The following UBE2E3 variants were observed in gnomAD, a reference collection of about 807,000 sequenced individuals.
The protein encoded by UBE2E3 is ubiquitin conjugating enzyme E2 E3, also known as ubiquitin-conjugating enzyme E2 E3.
In UBE2E3, 5 loss-of-function variants were observed where a neutral mutation model predicts 23.6. The ratio of observed to expected loss-of-function variants is 0.21; its 90% CI spans 0.11 to 0.44. The LOEUF (loss-of-function observed/expected upper bound fraction) is 0.44, where lower values mean the gene tolerates loss of function less well. Among genes scored for constraint, UBE2E3 ranks in the 20% least tolerant of loss-of-function variants. The pLI is 0.99. For synonymous variants in UBE2E3, 78 were observed against 87.5 expected (o/e 0.89, Z 0.60); for missense variants, 81 against 249.8 (o/e 0.32, Z 4.55).
At chr2:181,039,998 G>C (rs1195080608) in intron 3 of UBE2E3, among the ~76,000 whole-genome samples, 1 of 152,144 alleles carries the variant, frequency 6.6e-6, no homozygotes, top group East Asian at 1.9e-4. Context: ...GTGGTTGGTT[G>C]AATCTGTGTA....
intron 3 of UBE2E3, among the ~76,000 whole-genome samples, chr2:180,988,934 T>G (rs78522953): frequency 0.23 from 35,274 of 152,060 alleles, 4,469 homozygotes; most frequent in Non-Finnish European, 0.28. Context: ...AACCCGCTTT[T>G]TATAAAAATT....
intron 3 of UBE2E3, among the ~76,000 whole-genome samples, chr2:180,997,848 T>G (rs2105586583): frequency 6.6e-6 from 1 of 152,288 alleles, no homozygotes; most frequent in East Asian, 1.9e-4. Flanking sequence ...TAAAGCCTAT[T>G]TCAGATGTTA....
At chr2:181,045,729 A>G (rs983864574) in intron 3 of UBE2E3, among the ~76,000 whole-genome samples, 2 of 152,166 alleles carry the variant, frequency 1.3e-5, no homozygotes, top group Admixed American at 6.6e-5. Context: ...AACCACATCA[A>G]TTAACTTAGT....
At chr2:180,982,859 T>C (rs1684345702) in intron 2 of UBE2E3, among the ~76,000 whole-genome samples, 1 of 152,188 alleles carries the variant, frequency 6.6e-6, no homozygotes, top group South Asian at 2.1e-4. Context: ...CAATTTGAGG[T>C]GTCACTAGTG....
intron 3 of UBE2E3, among the ~76,000 whole-genome samples, chr2:181,028,008 GTCAC>G: frequency 6.6e-6 from 1 of 151,852 alleles, no homozygotes. Flanking sequence ...TCCCTATTCA[GTCAC>G]TCTATTTCCC....
In UBE2E3 at chr2:181,037,656, T is replaced by TA. The variant is rs943128482; in HGVS notation, c.246-20028dup. 3.3e-5 allele frequency among the ~76,000 whole-genome samples: 5 copies of TA among 151,996 alleles called. No homozygotes were observed. The East Asian group carries it at 7.7e-4, about 23-fold the overall frequency. ...TGTTACTACAGAAGAATCAGAAAGT[T>TA]AAAAAAAAATTTTAAGTTGACATAG... On this transcript the variant is annotated intron_variant, in intron 3 of 5. Coordinates refer to ENST00000410062, the MANE Select transcript of UBE2E3 (RefSeq NM_006357.4).
At chr2:181,036,653 C>A (rs1202818047) in intron 3 of UBE2E3, among the ~76,000 whole-genome samples, 5 of 152,156 alleles carry the variant, frequency 3.3e-5, no homozygotes, top group Non-Finnish European at 5.9e-5. Context: ...ATGGTTCACA[C>A]CCTGTGCCCT....
At chr2:181,026,338 A>G (rs1559126239) in intron 3 of UBE2E3, among the ~76,000 whole-genome samples, 1 of 151,732 alleles carries the variant, frequency 6.6e-6, no homozygotes, top group Non-Finnish European at 1.5e-5. Context: ...CAATTTCAGA[A>G]GATAATGAAT....
intron 3 of UBE2E3, among the ~76,000 whole-genome samples, chr2:181,049,001 G>T (rs1352888254): frequency 1.3e-5 from 2 of 151,990 alleles, no homozygotes; most frequent in Non-Finnish European, 2.9e-5. Context: ...CCTCTCTTGG[G>T]CAGTAGAACT....
intron 3 of UBE2E3, among the ~76,000 whole-genome samples, chr2:180,987,785 A>C (rs1286689734): frequency 6.6e-6 from 1 of 152,056 alleles, no homozygotes; most frequent in African/African-American, 2.4e-5. Context: ...ACTTTCCATC[A>C]TTTTCTAGGG....
intron 3 of UBE2E3, among the ~76,000 whole-genome samples, chr2:181,020,621 A>T (rs1487368292): frequency 6.6e-6 from 1 of 152,206 alleles, no homozygotes; most frequent in Non-Finnish European, 1.5e-5. Flanking sequence ...CCATCTGCTG[A>T]GCAAATCTTA....
At position 180,980,901 on chromosome 2, in the gene UBE2E3, T is replaced by A; in HGVS notation, c.-98T>A. 1 of 142,492 alleles carries A rather than the reference T, an allele frequency of 7.0e-6. No individual in the cohort carries two copies. The highest frequency in any genetic ancestry group is 2.5e-5 in the African/African-American group (1 of 39,534). 8.8% of individuals were successfully genotyped at this position (142,492 alleles called of 1,614,324 possible). ...CCCCCCACAGCTGCCTCCATTTCCTTAAGGAAGGGTTTTTTTCTCTCTCCC... is the reference window on the plus strand; with the variant it reads ...CCCCCCACAGCTGCCTCCATTTCCTAAAGGAAGGGTTTTTTTCTCTCTCCC... On this transcript the variant is annotated 5_prime_UTR_variant, in exon 1 of 6. Transcript: ENST00000410062. This position sits in a 1 kb window ranked among gnomAD's most constrained non-coding sequence, Gnocchi z 5.5.
At chr2:180,991,149 A>ATTT (rs35348964) in intron 3 of UBE2E3, among the ~76,000 whole-genome samples, 34,639 of 150,790 alleles carry the variant, frequency 0.23, 4,301 homozygotes, top group Non-Finnish European at 0.28. Context: ...AAAACCTTTG[A>ATTT]TTTTTTTTTC....
At chr2:181,043,095 TA>T (rs1477296335) in intron 3 of UBE2E3, among the ~76,000 whole-genome samples, 15 of 152,310 alleles carry the variant, frequency 9.8e-5, no homozygotes, top group African/African-American at 3.6e-4. Flanking sequence ...AAAATTGTTT[TA>T]AATAAAAGTA....
intron 3 of UBE2E3, among the ~76,000 whole-genome samples, chr2:181,000,346 A>G (rs1207131673): frequency 6.6e-6 from 1 of 152,194 alleles, no homozygotes; most frequent in Non-Finnish European, 1.5e-5. Flanking sequence ...AAAATCTTAC[A>G]TTTTGTAAAG....
intron 3 of UBE2E3, among the ~76,000 whole-genome samples, chr2:181,056,864 C>T (rs1014628818): frequency 1.3e-5 from 2 of 151,734 alleles, no homozygotes; most frequent in Non-Finnish European, 2.9e-5. Context: ...GATGATGAAA[C>T]TTAACATCAC....
intron 3 of UBE2E3, among the ~76,000 whole-genome samples, chr2:181,007,860 T>C (rs1341672448): frequency 6.6e-6 from 1 of 152,250 alleles, no homozygotes; most frequent in Non-Finnish European, 1.5e-5. Flanking sequence ...ACTGAATTTA[T>C]AATTCAATTT....
chr2:180,984,315 G>A (rs1442342711), intron 3 of UBE2E3, among the ~76,000 whole-genome samples: 1 of 152,152 alleles, frequency 6.6e-6, no homozygotes, highest in East Asian at 1.9e-4. Flanking sequence ...TACTGATTTT[G>A]TGCTTCTGAT....
chr2:181,000,295 CTG>C (rs1421728563), intron 3 of UBE2E3, among the ~76,000 whole-genome samples: 1 of 152,078 alleles, frequency 6.6e-6, no homozygotes, highest in African/African-American at 2.4e-5. Flanking sequence ...ATTTAAAAAA[CTG>C]TTAATCACAA....
Sources: allele counts gnomAD v4.1 joint callset (sites outside exome capture counted in the v4.1 genomes callset), GRCh38; gene constraint gnomAD v4.1.1; non-coding constraint Gnocchi (gnomAD v3.1); transcripts MANE v1.5; gene names NCBI Gene and HGNC (gene_info 2026-07-23, HGNC 2026-07-21).